Variants in PLCB1 observed in about 807,000 individuals in gnomAD.
PLCB1 encodes the protein 1-phosphatidylinositol 4,5-bisphosphate phosphodiesterase beta-1.
In PLCB1, 46 loss-of-function variants were observed where a neutral mutation model predicts 161.8. The observed-to-expected ratio is 0.28, with a 90% CI of 0.22 to 0.36. PLCB1 has a LOEUF of 0.36. Among genes scored for constraint, PLCB1 ranks in the 10% least tolerant of loss-of-function variants. The pLI, the probability that PLCB1 is intolerant of heterozygous loss-of-function variation, is 1.00. For synonymous variants in PLCB1, 517 were observed against 503.7 expected (o/e 1.03, Z -0.35); for missense variants, 1,016 against 1,472.5 (o/e 0.69, Z 5.07).
intron 31 of PLCB1, among the ~76,000 whole-genome samples, chr20:8,809,975 G>GT (rs1456940009): frequency 9.2e-5 from 14 of 152,106 alleles, no homozygotes; most frequent in African/African-American, 3.1e-4. Flanking sequence ...AATACTAAGC[G>GT]TAACACCTGA....
At chr20:8,484,579 C>T (rs1318204823) in intron 3 of PLCB1, among the ~76,000 whole-genome samples, 2 of 151,942 alleles carry the variant, frequency 1.3e-5, no homozygotes, top group Admixed American at 1.3e-4. Flanking sequence ...TCAGGCTGTT[C>T]TCGAACTCCT....
intron 31 of PLCB1, among the ~76,000 whole-genome samples, chr20:8,874,341 G>A (rs1309302513): frequency 2.0e-5 from 3 of 151,686 alleles, no homozygotes; most frequent in Non-Finnish European, 2.9e-5. Context: ...GTGATCCTAT[G>A]TCTATATTTA....
chr20:8,332,280 G>A (rs1985393714), intron 2 of PLCB1, among the ~76,000 whole-genome samples: 1 of 152,168 alleles, frequency 6.6e-6, no homozygotes. Context: ...AGATGCCTCT[G>A]CTTCTGCATT....
chr20:8,335,032 A>C (rs1391042561), intron 2 of PLCB1, among the ~76,000 whole-genome samples: 1 of 152,210 alleles, frequency 6.6e-6, no homozygotes, highest in Non-Finnish European at 1.5e-5. Context: ...GTCTTAATGA[A>C]TGAAGCTCTA....
At chr20:8,381,276 A>T (rs1442171526) in intron 3 of PLCB1, among the ~76,000 whole-genome samples, 1 of 152,234 alleles carries the variant, frequency 6.6e-6, no homozygotes, top group East Asian at 1.9e-4. Context: ...CCAGCCTTGC[A>T]TACCAGGGAT....
At position 8,710,384 on chromosome 20, in the gene PLCB1, C is replaced by T. The variant is rs149495248; in HGVS notation, c.1250+1632C>T. ...GATCCAATCACCTCCCACCAGGCCC[C>T]ACTTCCAACATCGGGGGTTACAATT... On this transcript the variant is annotated intron_variant, in intron 12 of 31. Coordinates refer to ENST00000338037, the MANE Select transcript of PLCB1 (RefSeq NM_015192.4). Among the ~76,000 whole-genome samples the T allele has an allele frequency of 5.9e-5, 9 of 152,228 alleles. No individual in the cohort carries two copies. In the East Asian group the frequency reaches 1.5e-3, roughly 26 times the overall value.
chr20:8,395,353 T>C (rs918283116), intron 3 of PLCB1, among the ~76,000 whole-genome samples: 1 of 152,020 alleles, frequency 6.6e-6, no homozygotes, highest in African/African-American at 2.4e-5. Context: ...TTAGAAGGCA[T>C]TGTCTACATA....
At chr20:8,857,118 T>C (rs1167435553) in intron 31 of PLCB1, among the ~76,000 whole-genome samples, 2 of 152,212 alleles carry the variant, frequency 1.3e-5, no homozygotes, top group Non-Finnish European at 1.5e-5. Flanking sequence ...CTCTAATCTG[T>C]GAACAGACAC....
chr20:8,861,464 G>A (rs537620502), intron 31 of PLCB1, among the ~76,000 whole-genome samples: 1 of 152,152 alleles, frequency 6.6e-6, no homozygotes, highest in African/African-American at 2.4e-5. Context: ...ACTTTGAGAG[G>A]CTCACGCCTG....
At chr20:8,783,958 A>G (rs546706548) in intron 27 of PLCB1, among the ~76,000 whole-genome samples, 1 of 152,256 alleles carries the variant, frequency 6.6e-6, no homozygotes, top group Admixed American at 6.5e-5. Context: ...CTCCCAAGGG[A>G]AGCATGTGGG....
At chr20:8,875,501 TA>T (rs1351307813) in intron 31 of PLCB1, among the ~76,000 whole-genome samples, 23 of 144,472 alleles carry the variant, frequency 1.6e-4, no homozygotes, top group Non-Finnish European at 3.0e-5. Context: ...ATATAACATA[TA>T]AAATATTTTT....
chr20:8,644,912 G>C (rs1989115811), intron 4 of PLCB1, among the ~76,000 whole-genome samples: 1 of 152,238 alleles, frequency 6.6e-6, no homozygotes, highest in Non-Finnish European at 1.5e-5. Flanking sequence ...AAAAGATTGA[G>C]AAATCAGATG....
intron 2 of PLCB1, among the ~76,000 whole-genome samples, chr20:8,236,056 C>T (rs1980303419): frequency 6.6e-6 from 1 of 151,990 alleles, no homozygotes; most frequent in Admixed American, 6.6e-5. Flanking sequence ...AGGTGTTTTT[C>T]AAACTTGGAA....
chr20:8,693,299 G>A (rs1206107647), intron 10 of PLCB1, among the ~76,000 whole-genome samples: 2 of 152,138 alleles, frequency 1.3e-5, no homozygotes, highest in Non-Finnish European at 2.9e-5. Flanking sequence ...ATGACTTTAG[G>A]CTCTTACATA....
intron 10 of PLCB1, among the ~76,000 whole-genome samples, chr20:8,689,950 A>T (rs1183950347): frequency 3.0e-5 from 1 of 33,544 alleles, no homozygotes; most frequent in Non-Finnish European, 1.1e-4. Flanking sequence ...AAAGAACTCT[A>T]ATAGCTGTCT....
intron 2 of PLCB1, among the ~76,000 whole-genome samples, chr20:8,278,280 TATATATTTATATAATATATAAAA>T (rs1383514281): frequency 1.4e-5 from 2 of 146,698 alleles, no homozygotes; most frequent in African/African-American, 4.9e-5. Context: ...ATTATATAAA[TATATATTTATATAATATATAAAA>T]ATATATATTA....
intron 3 of PLCB1, among the ~76,000 whole-genome samples, chr20:8,477,806 A>G (rs2122734790): frequency 6.6e-6 from 1 of 152,342 alleles, no homozygotes; most frequent in South Asian, 2.1e-4. Flanking sequence ...GACAGTCATG[A>G]AAGATTTGCA....
At chr20:8,750,785 C>G (rs764865089) in intron 23 of PLCB1, 25 of 1,274,280 alleles carry the variant, frequency 2.0e-5, no homozygotes, top group Non-Finnish European at 2.7e-5. Flanking sequence ...TACTTTCTGA[C>G]AATATTTGTC....
intron 2 of PLCB1, among the ~76,000 whole-genome samples, chr20:8,205,096 G>A (rs1461978813): frequency 2.6e-5 from 4 of 151,942 alleles, no homozygotes; most frequent in African/African-American, 7.3e-5. Flanking sequence ...ATAATAATCC[G>A]AAAAGACAGA....
Sources: gnomAD v4.1 joint callset for allele counts (sites outside exome capture counted in the v4.1 genomes callset) on GRCh38, gnomAD v4.1.1 for gene constraint, MANE v1.5 for transcripts, NCBI Gene and HGNC (gene_info 2026-07-23, HGNC 2026-07-21) for gene names.